Variants in LRFN2 observed in about 807,000 individuals in gnomAD.
The protein encoded by LRFN2 is leucine rich repeat and fibronectin type III domain containing 2.
In LRFN2, 18 loss-of-function variants were observed where a neutral mutation model predicts 37.3. The ratio of observed to expected loss-of-function variants is 0.48; its 90% CI spans 0.33 to 0.72. LRFN2 has a LOEUF of 0.72. Among genes scored for constraint, LRFN2 ranks in the 30% least tolerant of loss-of-function variants. The probability of loss-of-function intolerance (pLI) is 0.02; values close to 1 mark genes in which losing one functional copy is unlikely to be tolerated. For synonymous variants in LRFN2, 556 were observed against 466.6 expected, an observed-to-expected ratio of 1.19 and a Z score of -2.47; for missense variants, 1,006 against 1,060.7, an observed-to-expected ratio of 0.95 and a Z score of 0.72.
chr6:40,443,068 G>A (rs1172294032), intron 1 of LRFN2, among the ~76,000 whole-genome samples: 3 of 152,154 alleles, frequency 2.0e-5, no homozygotes, highest in African/African-American at 4.8e-5. Flanking sequence ...CCTGAAGGGC[G>A]TTTGTGTTTC....
chr6:40,539,957 G>T (rs1054947993), intron 1 of LRFN2, among the ~76,000 whole-genome samples: 1 of 152,164 alleles, frequency 6.6e-6, no homozygotes, highest in African/African-American at 2.4e-5. Context: ...GCTGTGAGAT[G>T]CCAGGAGAGA....
intron 1 of LRFN2, among the ~76,000 whole-genome samples, chr6:40,455,912 G>A (rs942205081): frequency 1.3e-5 from 2 of 152,164 alleles, no homozygotes; most frequent in African/African-American, 4.8e-5. Flanking sequence ...CCCACAGAAG[G>A]GACTCAGCCC....
chr6:40,543,491 T>C (rs1766594673), intron 1 of LRFN2, among the ~76,000 whole-genome samples: 1 of 152,210 alleles, frequency 6.6e-6, no homozygotes, highest in Middle Eastern at 3.2e-3. Context: ...CTAACTCTGC[T>C]GTCCTCTCTC....
intron 1 of LRFN2, among the ~76,000 whole-genome samples, chr6:40,551,723 T>C (rs182027013): frequency 1.9e-4 from 29 of 152,338 alleles, no homozygotes; most frequent in Admixed American, 1.9e-3. Flanking sequence ...CAGGACATGA[T>C]GCTAAGATCA....
At chr6:40,528,028 G>C (rs1766284963) in intron 1 of LRFN2, among the ~76,000 whole-genome samples, 1 of 152,224 alleles carries the variant, frequency 6.6e-6, no homozygotes, top group African/African-American at 2.4e-5. Context: ...TCTCAGAGAG[G>C]TTAAGTAAAC....
intron 1 of LRFN2, among the ~76,000 whole-genome samples, chr6:40,498,781 G>A (rs150070283): frequency 9.2e-5 from 14 of 152,144 alleles, no homozygotes; most frequent in East Asian, 7.7e-4. Context: ...CACCATCCAC[G>A]GAGAGGCACA....
At chr6:40,506,008 G>A (rs1322647068) in intron 1 of LRFN2, among the ~76,000 whole-genome samples, 1 of 152,240 alleles carries the variant, frequency 6.6e-6, no homozygotes, top group Non-Finnish European at 1.5e-5. Context: ...TGCAGGCTGG[G>A]CCTGAGCTCT....
chr6:40,392,713 T>C lies in LRFN2; in HGVS notation c.1600A>G (p.Met534Val). 1 of 1,614,032 alleles carries C rather than the reference T, an allele frequency of 6.2e-7. No individual in the cohort carries two copies. Among genetic ancestry groups the C allele is most frequent in the Non-Finnish European group, 8.5e-7 (1 of 1,179,968 alleles). ...SMHSQILGGT[M>V]ILVIGGIIVA... ...ATGATGCCCCCGATGACCAGGATCA[T>C]GGTGCCGCCCAGAATCTGGCTGTGC... The change falls in exon 3 of 3, where the codon ATG becomes GTG. Residue 534 changes from methionine (M) to valine (V), a missense_variant. Coordinates refer to ENST00000338305, the MANE Select transcript of LRFN2 (RefSeq NM_020737.3). This position sits in a 1 kb window ranked among gnomAD's most constrained non-coding sequence, Gnocchi z 4.7.
chr6:40,517,858 T>C (rs1765928568), intron 1 of LRFN2, among the ~76,000 whole-genome samples: 1 of 152,186 alleles, frequency 6.6e-6, no homozygotes, highest in African/African-American at 2.4e-5. Flanking sequence ...ACGGACAATT[T>C]GGCAATGACA....
At chr6:40,583,134 A>T (rs1159693898) in intron 1 of LRFN2, among the ~76,000 whole-genome samples, 1 of 152,130 alleles carries the variant, frequency 6.6e-6, no homozygotes, top group Non-Finnish European at 1.5e-5. Context: ...GGGGAGGCAA[A>T]AAAAGAGAAC....
chr6:40,430,292 T>A (rs1322579037), intron 2 of LRFN2, among the ~76,000 whole-genome samples: 1 of 152,148 alleles, frequency 6.6e-6, no homozygotes, highest in Non-Finnish European at 1.5e-5. Context: ...GACTCTATTC[T>A]TCCCCATGTA....
At chr6:40,510,445 G>C (rs1391814295) in intron 1 of LRFN2, among the ~76,000 whole-genome samples, 2 of 152,194 alleles carry the variant, frequency 1.3e-5, no homozygotes, top group African/African-American at 4.8e-5. Flanking sequence ...TCAGCCTTCA[G>C]GAAGCTGAGT....
At position 40,507,717 on chromosome 6, in the gene LRFN2, C is replaced by T. The variant is rs532155246; in HGVS notation, c.-18-74586G>A. ...CACTGTAAGTGTCAAGAAATGCTGG[C>T]GACAGCTTGTTTTGTTTGGATTTGC... On this transcript the variant is annotated intron_variant, in intron 1 of 2. Coordinates refer to ENST00000338305, the MANE Select transcript of LRFN2 (RefSeq NM_020737.3). 1.8e-3 allele frequency among the ~76,000 whole-genome samples: 276 copies of T among 152,272 alleles called. 1 individual carries two copies. The highest frequency in any genetic ancestry group is 2.9e-3 in the Non-Finnish European group (199 of 68,012).
intron 1 of LRFN2, among the ~76,000 whole-genome samples, chr6:40,545,519 T>C (rs1471553060): frequency 6.6e-6 from 1 of 152,124 alleles, no homozygotes; most frequent in Non-Finnish European, 1.5e-5. Context: ...CCCTGGAGCA[T>C]GTTAAGTGGG....
intron 1 of LRFN2, among the ~76,000 whole-genome samples, chr6:40,441,425 G>C (rs1415689731): frequency 6.6e-6 from 1 of 152,230 alleles, no homozygotes; most frequent in South Asian, 2.1e-4. Flanking sequence ...GTGAGTGAAC[G>C]GGTGTGTCTC....
chr6:40,466,139 G>A (rs1298348272), intron 1 of LRFN2, among the ~76,000 whole-genome samples: 1 of 152,130 alleles, frequency 6.6e-6, no homozygotes, highest in African/African-American at 2.4e-5. Context: ...ATAATTATCT[G>A]CAAGAGAGTC....
intron 1 of LRFN2, among the ~76,000 whole-genome samples, chr6:40,515,067 T>C (rs1765824181): frequency 6.6e-6 from 1 of 152,214 alleles, no homozygotes; most frequent in South Asian, 2.1e-4. Flanking sequence ...GAACAGTGGA[T>C]AATCTAAAAG....
At chr6:40,580,526 G>A (rs761494491) in intron 1 of LRFN2, among the ~76,000 whole-genome samples, 15 of 152,158 alleles carry the variant, frequency 9.9e-5, no homozygotes, top group Admixed American at 2.6e-4. Flanking sequence ...TCTCTGGACC[G>A]GATCCAGAAG....
chr6:40,568,291 G>A (rs73418992), intron 1 of LRFN2, among the ~76,000 whole-genome samples: 6,069 of 152,274 alleles, frequency 0.04, 150 homozygotes, highest in African/African-American at 0.053. Flanking sequence ...GCCCTGTGTC[G>A]TGTGAAACCC....
Sources: allele counts gnomAD v4.1 joint callset (sites outside exome capture counted in the v4.1 genomes callset), GRCh38; gene constraint gnomAD v4.1.1; non-coding constraint Gnocchi (gnomAD v3.1); transcripts MANE v1.5; gene names NCBI Gene and HGNC (gene_info 2026-07-23, HGNC 2026-07-21).